The following LRIG2 variants were observed in gnomAD, a reference collection of about 807,000 sequenced individuals.
The protein encoded by LRIG2 is leucine rich repeats and immunoglobulin like domains 2, also known as leucine-rich repeats and immunoglobulin-like domains protein 2.
In LRIG2, 93 loss-of-function variants were observed where a neutral mutation model predicts 107.8. The observed-to-expected ratio is 0.86, with a 90% CI of 0.73 to 1.03. The LOEUF (loss-of-function observed/expected upper bound fraction) is 1.03, where lower values mean the gene tolerates loss of function less well. Ranked by LOEUF, LRIG2 falls within the 50% of genes least tolerant of loss-of-function variation. The pLI, the probability that LRIG2 is intolerant of heterozygous loss-of-function variation, is 0.00. For missense variants in LRIG2, 1,226 were observed against 1,296.0 expected (o/e 0.95, Z 0.83); for synonymous variants, 471 against 470.6 (o/e 1.00, Z -0.01).
At chr1:113,095,491 C>T (rs1443100921) in intron 6 of LRIG2, among the ~76,000 whole-genome samples, 13 of 151,840 alleles carry the variant, frequency 8.6e-5, no homozygotes, top group Admixed American at 7.2e-4. Context: ...TCACTGCAAC[C>T]TCTGCCTCAT....
Position 113,131,977 on chromosome 1 carries a change from T to C in LRIG2, c.*7876T>C, listed in dbSNP as rs961630775. The stretch of plus-strand genomic sequence containing the variant: ...ATCAGATGGTCGAGTACTCTTGGAA[T>C]GTCTCTTTGCTGTTTACTGTGGCCT... On this transcript the variant is annotated 3_prime_UTR_variant, in exon 18 of 18. Transcript: ENST00000361127. 1 of 152,174 alleles carries C rather than the reference T, an allele frequency of 6.6e-6. No individual in the cohort carries two copies. The highest frequency in any genetic ancestry group is 1.5e-5 in the Non-Finnish European group (1 of 68,036). 9.4% of individuals were successfully genotyped at this position (152,174 alleles called of 1,614,324 possible).
intron 12 of LRIG2, among the ~76,000 whole-genome samples, chr1:113,109,493 T>A (rs1002384348): frequency 3.6e-4 from 55 of 152,326 alleles, no homozygotes; most frequent in African/African-American, 1.2e-3. Flanking sequence ...CATTTTATAT[T>A]GGCACAGAAA....
intron 4 of LRIG2, among the ~76,000 whole-genome samples, chr1:113,093,806 AG>A (rs1384748797): frequency 4.6e-5 from 7 of 152,156 alleles, no homozygotes; most frequent in Non-Finnish European, 1.0e-4. Flanking sequence ...AATAAAATAA[AG>A]CACATGTTTA....
intron 12 of LRIG2, among the ~76,000 whole-genome samples, chr1:113,109,954 T>TGAC (rs1654700438): frequency 6.6e-6 from 1 of 152,150 alleles, no homozygotes; most frequent in Non-Finnish European, 1.5e-5. Flanking sequence ...AGCACACAGG[T>TGAC]GACAGTAAGG....
chr1:113,113,086 A>T (rs968491232), intron 14 of LRIG2, among the ~76,000 whole-genome samples: 1 of 151,748 alleles, frequency 6.6e-6, no homozygotes, highest in African/African-American at 2.4e-5. Flanking sequence ...CTGAGTTTGC[A>T]TTGAGAGTTC....
At chr1:113,076,054 G>T (rs1446376594) in intron 1 of LRIG2, among the ~76,000 whole-genome samples, 6 of 151,008 alleles carry the variant, frequency 4.0e-5, no homozygotes, top group African/African-American at 1.5e-4. Flanking sequence ...CACCCAGGCT[G>T]GAGTGCAGTG....
chr1:113,120,505 A>ATT lies in LRIG2; in HGVS notation c.2971+1001_2971+1002dup, dbSNP rs751770841. Among the ~76,000 whole-genome samples, 314 of 126,252 alleles carry ATT rather than the reference A, an allele frequency of 2.5e-3. 4 individuals are homozygous for ATT. The highest frequency in any genetic ancestry group is 7.7e-3 in the African/African-American group (261 of 34,018). The allele number at this position is 126,252 out of a possible 152,430, so 82.8% of individuals were successfully genotyped here. ...TTTGGTGATGGTTTTTACTGAGAAG[A>ATT]TTTTTTTTTTTTTTTTTTTTGGGAA... On this transcript the variant is annotated intron_variant, in intron 17 of 17. Transcript: ENST00000361127.
In LRIG2 at chr1:113,128,436, C is replaced by T. The variant is rs1655571754; in HGVS notation, c.*4335C>T. The T allele has an allele frequency of 1.3e-5, 2 of 152,284 alleles. No homozygotes were observed. Among genetic ancestry groups the T allele is most frequent in the African/African-American group, 4.8e-5 (2 of 41,572 alleles). The allele number at this position is 152,284 out of a possible 1,614,324, so 9.4% of individuals were successfully genotyped here. On this transcript the variant is annotated 3_prime_UTR_variant, in exon 18 of 18. Coordinates refer to ENST00000361127, the MANE Select transcript of LRIG2 (RefSeq NM_014813.3). ...GGGTGAGTCTTTTTACTTCTCTAGGCTAGATTTTCTCATTTATGAAATGAG... is the reference window on the plus strand; with the variant it reads ...GGGTGAGTCTTTTTACTTCTCTAGGTTAGATTTTCTCATTTATGAAATGAG...
chr1:113,120,438 A>C (rs1258877028), intron 17 of LRIG2, among the ~76,000 whole-genome samples: 3 of 151,166 alleles, frequency 2.0e-5, no homozygotes, highest in Non-Finnish European at 4.4e-5. Flanking sequence ...ACAGAGTGAG[A>C]CTCTGTCTCC....
At chr1:113,105,945 C>T (rs966008647) in intron 11 of LRIG2, among the ~76,000 whole-genome samples, 3 of 152,030 alleles carry the variant, frequency 2.0e-5, no homozygotes, top group African/African-American at 7.2e-5. Context: ...AAAATTGAAA[C>T]TTTGCCAGGC....
intron 11 of LRIG2, among the ~76,000 whole-genome samples, chr1:113,104,788 T>G (rs1654462402): frequency 1.3e-5 from 2 of 152,278 alleles, no homozygotes; most frequent in South Asian, 2.1e-4. Flanking sequence ...ACTCTACCAT[T>G]TATTTTAGAC....
intron 9 of LRIG2, 53 bp downstream of exon 9, chr1:113,098,838 G>A: frequency 9.3e-7 from 1 of 1,076,936 alleles, no homozygotes; most frequent in Non-Finnish European, 1.4e-6. Context: ...TCAAGAACCG[G>A]CTGTAAATAT....
chr1:113,083,997 TATAATAATAATAATAATAATAATA>T (rs55895711), intron 1 of LRIG2, among the ~76,000 whole-genome samples: 5 of 125,706 alleles, frequency 4.0e-5, no homozygotes, highest in Non-Finnish European at 6.8e-5. Context: ...GAACTTAAAG[TATAATAATAATAATAATAATAATA>T]ATAATAATAA....
Position 113,110,461 on chromosome 1 carries a change from A to G in LRIG2, c.1697A>G (p.His566Arg). The G allele has an allele frequency of 1.9e-6, 3 of 1,613,786 alleles. No homozygotes were observed. Among genetic ancestry groups the G allele is most frequent in the Non-Finnish European group, 1.7e-6 (2 of 1,179,632 alleles). ...GCTCTGGAATATACTAGTATCTTAC[A>G]TCTTTTCAATGTGAATTTCACAGAT... ...GEALEYTSIL[H>R]LFNVNFTDEG... The change falls in exon 13 of 18, where the codon CAT (histidine) becomes CGT (arginine). Residue 566 changes from histidine (H) to arginine (R), a missense_variant. His to Arg is a conservative substitution (Grantham distance 29). Transcript: ENST00000361127.
rs1413716273 is a variant in LRIG2, at chr1:113,112,482, T to C, written c.1802T>C (p.Met601Thr). 2 of 1,596,906 alleles carry C rather than the reference T, an allele frequency of 1.3e-6. No individual in the cohort carries two copies. Among genetic ancestry groups the C allele is most frequent in the East Asian group, 4.5e-5 (2 of 44,406 alleles). The change falls in exon 14 of 18, where the codon ATG (methionine) becomes ACG (threonine). Residue 601 changes from methionine to threonine, a missense_variant. Transcript: ENST00000361127. ...TTGGTGATTTTTCTGGAAACAGAGATGCCATCTTTTCTGAAAACGCCAATG... is the reference window on the plus strand; with the variant it reads ...TTGGTGATTTTTCTGGAAACAGAGACGCCATCTTTTCTGAAAACGCCAATG... ...SQKAKLTVNE[M>T]PSFLKTPMDL...
rs2101034469 is a variant in LRIG2 at position 113,093,466 on chromosome 1, A to G, written c.417A>G (p.Ala139=). The G allele has an allele frequency of 6.2e-7, 1 of 1,613,530 alleles. No individual in the cohort carries two copies. The highest frequency in any genetic ancestry group is 8.5e-7 in the Non-Finnish European group (1 of 1,179,554). Residue 139 remains alanine, a synonymous_variant, in exon 4 of 18, where the codon GCA becomes GCG. Transcript: ENST00000361127. ...TAATCCCAGAAATAAATGCACAGGC[A>G]CTCCAGTTTTACCCTGCTCTGGAGA... ...HNIIPEINAQ[A]LQFYPALESL...
intron 4 of LRIG2, among the ~76,000 whole-genome samples, chr1:113,093,929 C>T (rs1017142659): frequency 2.0e-5 from 3 of 152,124 alleles, no homozygotes; most frequent in Non-Finnish European, 4.4e-5. Flanking sequence ...GCCACTCACC[C>T]CACAAGCCCC....
In LRIG2 at chr1:113,123,866, C is replaced by A; in HGVS notation, c.2972-9C>A. On this transcript the variant is annotated splice_polypyrimidine_tract_variant and intron_variant, in intron 17 of 17. Coordinates refer to ENST00000361127, the MANE Select transcript of LRIG2 (RefSeq NM_014813.3). ...GTCACTACTGATAATTCTTGTCTTT[C>A]ATTCTCAGAAACATTGCAGCGGCCC... 1 of 1,610,024 alleles carries A rather than the reference C, an allele frequency of 6.2e-7. No homozygotes were observed. Among genetic ancestry groups the A allele is most frequent in the Non-Finnish European group, 8.5e-7 (1 of 1,176,634 alleles).
chr1:113,104,735 GTATAA>G (rs1475870521), intron 11 of LRIG2, among the ~76,000 whole-genome samples: 3 of 152,002 alleles, frequency 2.0e-5, no homozygotes, highest in Non-Finnish European at 4.4e-5. Flanking sequence ...GTTTTCTTAG[GTATAA>G]TATAAGCTGG....
Sources: gnomAD v4.1 joint callset for allele counts (sites outside exome capture counted in the v4.1 genomes callset) on GRCh38, gnomAD v4.1.1 for gene constraint, MANE v1.5 for transcripts, NCBI Gene and HGNC (gene_info 2026-07-23, HGNC 2026-07-21) for gene names.